Variants in C12orf50 observed in about 807,000 individuals in gnomAD.
C12orf50 encodes uncharacterized protein C12orf50.
Under a neutral mutation model 61.6 loss-of-function variants are expected in C12orf50, and 35 were observed. The observed-to-expected ratio is 0.57, with a 90% CI of 0.43 to 0.75. The LOEUF is 0.75. C12orf50 is among the 30% of genes least tolerant of loss of function. The pLI is 0.00. For synonymous variants in C12orf50, 178 were observed against 161.5 expected, an observed-to-expected ratio of 1.10 and a Z score of -0.77; for missense variants, 475 against 488.5, an observed-to-expected ratio of 0.97 and a Z score of 0.26.
intron 7 of C12orf50, among the ~76,000 whole-genome samples, chr12:87,991,649 C>T (rs1048115920): frequency 6.6e-6 from 1 of 151,982 alleles, no homozygotes; most frequent in Non-Finnish European, 1.5e-5. Flanking sequence ...AAGGTGCTAA[C>T]ATTATGAGTC....
chr12:88,026,060 A>G (rs995284973), intron 3 of C12orf50, among the ~76,000 whole-genome samples: 3 of 152,174 alleles, frequency 2.0e-5, no homozygotes, highest in Admixed American at 6.5e-5. Context: ...TCTGCTAGAA[A>G]CAGAAGTGTG....
intron 3 of C12orf50, among the ~76,000 whole-genome samples, chr12:88,017,000 C>T (rs368928780): frequency 9.9e-5 from 15 of 152,086 alleles, no homozygotes; most frequent in African/African-American, 3.6e-4. Flanking sequence ...ATGGAATTAG[C>T]CATGAAGATA....
At chr12:88,021,301 CA>C (rs71082421) in intron 3 of C12orf50, among the ~76,000 whole-genome samples, 133,869 of 145,426 alleles carry the variant, frequency 0.92, 61,641 homozygotes, top group Middle Eastern at 0.98. Flanking sequence ...CTAATAAAGA[CA>C]AAAAAAAAAA....
In C12orf50 at chr12:87,980,216, C is replaced by T. The variant is rs1447251619; in HGVS notation, c.*115G>A. On this transcript the variant is annotated 3_prime_UTR_variant, in exon 13 of 13. Transcript: ENST00000298699. ...TTGCATTTTTATCATCTTTGGCTAT[C>T]CACTACATAACATGGAGTACTTGAG... 2.0e-6 allele frequency: 2 copies of T among 987,958 alleles called. No homozygotes were observed. Among genetic ancestry groups the T allele is most frequent in the Non-Finnish European group, 3.1e-6 (2 of 639,778 alleles). The allele number at this position is 987,958 out of a possible 1,614,324, so 61.2% of individuals were successfully genotyped here. A position where few individuals can be genotyped will look rare whatever the true frequency, so the allele number is the denominator to read the frequency against.
At chr12:88,013,716 G>A (rs1279598659) in intron 3 of C12orf50, among the ~76,000 whole-genome samples, 1 of 152,220 alleles carries the variant, frequency 6.6e-6, no homozygotes, top group African/African-American at 2.4e-5. Context: ...TACATGGACA[G>A]CTGGTGTTCA....
intron 3 of C12orf50, among the ~76,000 whole-genome samples, chr12:88,009,825 T>C (rs2136460899): frequency 6.6e-6 from 1 of 152,276 alleles, no homozygotes; most frequent in Admixed American, 6.5e-5. Context: ...CTTTTTACTT[T>C]TTTATGGTGT....
intron 3 of C12orf50, among the ~76,000 whole-genome samples, chr12:88,004,987 A>G (rs2031800806): frequency 6.6e-6 from 1 of 152,132 alleles, no homozygotes; most frequent in Non-Finnish European, 1.5e-5. Context: ...CAGGACATGC[A>G]ATTTATCTTT....
At chr12:88,003,971 T>C (rs1295117372) in intron 3 of C12orf50, among the ~76,000 whole-genome samples, 1 of 152,148 alleles carries the variant, frequency 6.6e-6, no homozygotes, top group Non-Finnish European at 1.5e-5. Context: ...ATTTTTCAGA[T>C]TGTATAATCT....
At chr12:88,029,190 A>C in intron 1 of C12orf50, 150 bp downstream of exon 1, 1 of 938,336 alleles carries the variant, frequency 1.1e-6, no homozygotes, top group South Asian at 1.4e-5. Context: ...TCAGGAATGC[A>C]AATACAAGAA....
rs148724422 is a variant in C12orf50, at chr12:87,983,113, C to A, written c.1209G>T (p.Lys403Asn). 6.3e-7 allele frequency: 1 copy of A among 1,578,812 alleles called. No individual in the cohort carries two copies. Among genetic ancestry groups the A allele is most frequent in the Non-Finnish European group, 8.7e-7 (1 of 1,151,150 alleles). ...CTTATAAATAGTTACCTGGATATAT[C>A]TTTTCACTTTTTGAATATGTTTTTG... The part of the protein sequence containing the change: ...PFSKTYSKSE[K>N]IYPEPRRNGS... The change falls in exon 12 of 13, where the codon AAG becomes AAT. Residue 403 changes from lysine (K) to asparagine (N), a missense_variant. Physicochemically the swap from Lys to Asn is moderately conservative, Grantham distance 94 (BLOSUM62 0). Transcript: ENST00000298699.
At chr12:88,017,206 G>T (rs771093940) in intron 3 of C12orf50, among the ~76,000 whole-genome samples, 14 of 152,168 alleles carry the variant, frequency 9.2e-5, no homozygotes, top group Non-Finnish European at 1.6e-4. Context: ...AAGGAACCTG[G>T]TGAGAGGTAA....
At chr12:87,998,859 G>GA (rs535621755) in intron 3 of C12orf50, among the ~76,000 whole-genome samples, 119 of 152,230 alleles carry the variant, frequency 7.8e-4, no homozygotes, top group Non-Finnish European at 1.3e-3. Flanking sequence ...TTCAATGGGG[G>GA]AAAAAATAGT....
intron 11 of C12orf50, 51 bp downstream of exon 11, chr12:87,985,799 T>C: frequency 3.8e-6 from 6 of 1,584,554 alleles, no homozygotes; most frequent in Non-Finnish European, 4.3e-6. Flanking sequence ...AGAAATTCCA[T>C]GGGAATGCAA....
At chr12:87,996,923 G>A (rs896174120) in intron 4 of C12orf50, among the ~76,000 whole-genome samples, 14 of 152,116 alleles carry the variant, frequency 9.2e-5, no homozygotes, top group Middle Eastern at 3.2e-3. Context: ...TGTTTATTTC[G>A]AGGTTGATGT....
Position 87,983,328 on chromosome 12 carries a change from C to G in C12orf50, c.1127-133G>C. On this transcript the variant is annotated intron_variant, in intron 11 of 12. Coordinates refer to ENST00000298699, the MANE Select transcript of C12orf50 (RefSeq NM_152589.3). ...TCATTTTACCATTTCAAAGCTAAGG[C>G]ATCAGGGATACAAGTGAGTTTATTA... is the stretch of plus-strand genomic sequence containing the variant. 4 of 492,310 alleles carry G rather than the reference C, an allele frequency of 8.1e-6. 1 individual carries two copies. The highest frequency in any genetic ancestry group is 1.1e-5 in the Non-Finnish European group (3 of 284,754). The allele number at this position is 492,310 out of a possible 1,614,324, so 30.5% of individuals were successfully genotyped here. A position where few individuals can be genotyped will look rare whatever the true frequency, so the allele number is the denominator to read the frequency against.
intron 9 of C12orf50, among the ~76,000 whole-genome samples, chr12:87,987,556 C>T (rs986398309): frequency 6.6e-6 from 1 of 152,088 alleles, no homozygotes; most frequent in Middle Eastern, 3.2e-3. Context: ...ATGTATTATT[C>T]CACTATGGGC....
chr12:88,025,742 A>C (rs896910686), intron 3 of C12orf50, among the ~76,000 whole-genome samples: 1 of 150,462 alleles, frequency 6.6e-6, no homozygotes, highest in African/African-American at 2.5e-5. Context: ...CCGTCTCAAA[A>C]AACAAACAAA....
intron 3 of C12orf50, among the ~76,000 whole-genome samples, chr12:88,026,194 A>T (rs2032700835): frequency 2.0e-5 from 3 of 152,184 alleles, no homozygotes; most frequent in Non-Finnish European, 4.4e-5. Context: ...GCTGAGACAC[A>T]GCCTCCTTCT....
At chr12:87,999,698 A>G (rs2031569711) in intron 3 of C12orf50, among the ~76,000 whole-genome samples, 1 of 152,128 alleles carries the variant, frequency 6.6e-6, no homozygotes, top group Non-Finnish European at 1.5e-5. Flanking sequence ...ATATATGTCT[A>G]TATTATACAA....
Sources: allele counts gnomAD v4.1 joint callset (sites outside exome capture counted in the v4.1 genomes callset), GRCh38; gene constraint gnomAD v4.1.1; transcripts MANE v1.5; gene names NCBI Gene and HGNC (gene_info 2026-07-23, HGNC 2026-07-21).